Variants in ELMO3 observed in about 807,000 individuals in gnomAD.
ELMO3 encodes the protein engulfment and cell motility protein 3.
In ELMO3, 81 loss-of-function variants were observed where a neutral mutation model predicts 89.0. The observed-to-expected ratio is 0.91, with a 90% CI of 0.76 to 1.09. ELMO3 has a LOEUF of 1.09. Ranked by LOEUF, ELMO3 falls within the 50% of genes least tolerant of loss-of-function variation. ELMO3 has a pLI of 0.00. For synonymous variants in ELMO3, 406 were observed against 400.6 expected, an observed-to-expected ratio of 1.01 and a Z score of -0.16; for missense variants, 959 against 972.8, an observed-to-expected ratio of 0.99 and a Z score of 0.19.
At chr16:67,199,489 C>CCCCCCCCCCCCCCCCCCCCCCA in intron 1 of ELMO3, 64 bp from the exon 2 acceptor site, 1 of 1,554,410 alleles carries the variant, frequency 6.4e-7, no homozygotes, top group Non-Finnish European at 8.7e-7. Context: ...CGCCCCACCC[C>CCCCCCCCCCCCCCCCCCCCCCA]TCCCCCCAGG....
rs764643634 is a variant in ELMO3, at chr16:67,202,087, C to T, written c.1152+9C>T. 2.5e-6 allele frequency: 4 copies of T among 1,605,968 alleles called. No homozygotes were observed. In the Admixed American group the frequency reaches 6.7e-5, roughly 27 times the overall value. On this transcript the variant is annotated intron_variant, in intron 12 of 19. Coordinates refer to ENST00000393997, the MANE Select transcript of ELMO3 (RefSeq NM_024712.5). Reference sequence around the variant, plus strand: ...CCAGCGCGTACAGCCGGGTCGGTGACAGGGTAGGGTGGGGGGGTGGCAGCA... The same window carrying T: ...CCAGCGCGTACAGCCGGGTCGGTGATAGGGTAGGGTGGGGGGGTGGCAGCA...
chr16:67,202,247 G>A lies in ELMO3; in HGVS notation c.1224G>A (p.Thr408=), dbSNP rs750693515. The part of the protein sequence containing the change: ...CPFARGSIQL[T]VLLCELLRVG... ...TTGCCCGGGGCAGCATCCAGCTGAC[G>A]GTGCTGCTGTGTGAGCTGCTCCGTG... Residue 408 remains threonine (T), a synonymous_variant, in exon 13 of 20, where the codon ACG becomes ACA. Transcript: ENST00000393997. 19 of 1,605,144 alleles carry A rather than the reference G, an allele frequency of 1.2e-5. No homozygotes were observed. Among genetic ancestry groups the A allele is most frequent in the Non-Finnish European group, 1.4e-5 (16 of 1,173,790 alleles).
At chr16:67,200,157 C>T in intron 4 of ELMO3, 35 bp from the exon 5 acceptor site, 2 of 1,599,246 alleles carry the variant, frequency 1.3e-6, no homozygotes, top group South Asian at 1.1e-5. Flanking sequence ...CCATGCCCAG[C>T]CTCTTCACCT....
At chr16:67,199,496 C>CCG in intron 1 of ELMO3, 57 bp from the exon 2 acceptor site, 1 of 1,535,992 alleles carries the variant, frequency 6.5e-7, no homozygotes, top group Non-Finnish European at 8.8e-7. Flanking sequence ...CCCCTCCCCC[C>CCG]AGGCTCCTCC....
chr16:67,203,061 G>A lies in ELMO3; in HGVS notation c.1675+57G>A, dbSNP rs1026900349. On this transcript the variant is annotated intron_variant, in intron 16 of 19. Coordinates refer to ENST00000393997, the MANE Select transcript of ELMO3 (RefSeq NM_024712.5). The surrounding 1 kb of genome is among the most constrained non-coding windows in gnomAD (Gnocchi z 4.6). ...GGCAGGCAGAGGGCAGGCAGAGGGCGGCTGGCTTGGTGTCAGGACCTCTCA... is the reference window on the plus strand; with the variant it reads ...GGCAGGCAGAGGGCAGGCAGAGGGCAGCTGGCTTGGTGTCAGGACCTCTCA... The A allele has an allele frequency of 2.8e-5, 44 of 1,595,908 alleles. No individual in the cohort carries two copies. The highest frequency in any genetic ancestry group is 4.0e-5 in the African/African-American group (3 of 74,676).
Position 67,203,550 on chromosome 16 carries a change from G to A in ELMO3, c.1917G>A (p.Ala639=), listed in dbSNP as rs201039738. The change falls in exon 19 of 20, where the codon GCG becomes GCA. Residue 639 remains alanine (A), a synonymous_variant. Transcript: ENST00000393997. This position sits in a 1 kb window ranked among gnomAD's most constrained non-coding sequence, Gnocchi z 4.6. The part of the protein sequence containing the change: ...SISYDRGEEE[A]YLNFIAPSKR... ...GCTATGACCGTGGGGAGGAGGAAGC[G>A]TACCTCAACTTCATTGCCCCCTCCA... 56 of 1,614,040 alleles carry A rather than the reference G, an allele frequency of 3.5e-5. No homozygotes were observed. The highest frequency in any genetic ancestry group is 1.6e-4 in the Middle Eastern group (1 of 6,062).
intron 3 of ELMO3, 68 bp downstream of exon 3, chr16:67,199,824 T>G: frequency 6.2e-7 from 1 of 1,602,454 alleles, no homozygotes; most frequent in Non-Finnish European, 8.5e-7. Context: ...CCCCGATAAC[T>G]CTGGCTCTTC....
In ELMO3 at chr16:67,201,590, T is replaced by C. The variant is rs140352129; in HGVS notation, c.866T>C (p.Met289Thr). The change falls in exon 10 of 20, where the codon ATG (methionine) becomes ACG (threonine). Residue 289 changes from methionine (M) to threonine (T), a missense_variant. Met to Thr is a moderately conservative substitution (Grantham distance 81, BLOSUM62 -1). Transcript: ENST00000393997. Reference sequence around the variant, plus strand: ...CACCTGTACGTACTGCAGGCTCTCATGCTGGGGCTGCTGGAGCCGCGCATG... The same window carrying C: ...CACCTGTACGTACTGCAGGCTCTCACGCTGGGGCTGCTGGAGCCGCGCATG... ...AHHLYVLQAL[M>T]LGLLEPRMRT... The C allele has an allele frequency of 2.5e-6, 4 of 1,613,856 alleles. No individual in the cohort carries two copies. The highest frequency in any genetic ancestry group is 3.3e-5 in the Admixed American group (2 of 60,026).
rs746677359 is a variant in ELMO3, at chr16:67,202,534, G to A, written c.1398+1G>A. ...GGCTACACAGGAGGACTTCGACAAG[G>A]TGGGTGGGGTGGGAGCTGGGAGGCC... is the stretch of plus-strand genomic sequence containing the variant. On this transcript the variant is annotated splice_donor_variant, in intron 14 of 19. Coordinates refer to ENST00000393997, the MANE Select transcript of ELMO3 (RefSeq NM_024712.5). LOFTEE classifies it high-confidence loss of function. The A allele has an allele frequency of 1.7e-5, 28 of 1,612,400 alleles. No homozygotes were observed. The highest frequency in any genetic ancestry group is 2.4e-5 in the Non-Finnish European group (28 of 1,179,948).
chr16:67,201,742 G>C lies in ELMO3; in HGVS notation c.919G>C (p.Glu307Gln), dbSNP rs1305192050. ...MRTPLDPYSQ[E>Q]QREQLQVLRQ... is the part of the protein sequence containing the mutation. ...CCCCGCCACCCAACACTGACCCCAGGAGCAGCGGGAGCAGCTGCAGGTCCT... is the reference window on the plus strand; with the variant it reads ...CCCCGCCACCCAACACTGACCCCAGCAGCAGCGGGAGCAGCTGCAGGTCCT... The change falls in exon 11 of 20, where the codon GAG (glutamate) becomes CAG (glutamine). Residue 307 changes from glutamate (E) to glutamine (Q), a missense_variant and splice_region_variant. Physicochemically the swap from Glu to Gln is conservative, Grantham distance 29. Coordinates refer to ENST00000393997, the MANE Select transcript of ELMO3 (RefSeq NM_024712.5). The C allele has an allele frequency of 2.5e-6, 4 of 1,609,576 alleles. No individual in the cohort carries two copies. The highest frequency in any genetic ancestry group is 3.4e-6 in the Non-Finnish European group (4 of 1,179,994).
Position 67,200,447 on chromosome 16 carries a change from C to T in ELMO3, c.414-4C>T, listed in dbSNP as rs1405477087. ...CTGCTCAGCCCCAGATGTCCCCCCT[C>T]CAGCCTAGGAGAGGTGCTGGCCCTC... On this transcript the variant is annotated splice_polypyrimidine_tract_variant and splice_region_variant and intron_variant, in intron 5 of 19. Coordinates refer to ENST00000393997, the MANE Select transcript of ELMO3 (RefSeq NM_024712.5). The T allele has an allele frequency of 6.2e-6, 10 of 1,612,184 alleles. No individual in the cohort carries two copies. Among genetic ancestry groups the T allele is most frequent in the South Asian group, 1.1e-5 (1 of 91,056 alleles).
At chr16:67,201,247 C>T (rs1322590170) in intron 8 of ELMO3, 138 bp from the exon 9 acceptor site, 12 of 676,314 alleles carry the variant, frequency 1.8e-5, no homozygotes, top group African/African-American at 6.9e-5. Flanking sequence ...TAAGTAGAGA[C>T]GGGGTTTCAC....
rs1031839367 is a variant in ELMO3, at chr16:67,200,074, G to A, written c.243+73G>A. The A allele has an allele frequency of 7.6e-6, 12 of 1,569,150 alleles. No homozygotes were observed. The Admixed American group carries it at 2.0e-4, about 26-fold the overall frequency. On this transcript the variant is annotated intron_variant, in intron 4 of 19. Transcript: ENST00000393997. ...AGGTCCAGAGGCCCCCCGCCCCGGA[G>A]GCCCCCGCCCCAGCCCTGCCTTGCG... is the stretch of plus-strand genomic sequence containing the variant.
In ELMO3 at chr16:67,203,327, T is replaced by A; in HGVS notation, c.1781T>A (p.Leu594His). The change falls in exon 18 of 20, where the codon CTC becomes CAC. Residue 594 changes from leucine to histidine, a missense_variant and splice_region_variant. Transcript: ENST00000393997. The surrounding 1 kb of genome is among the most constrained non-coding windows in gnomAD (Gnocchi z 4.6). The stretch of plus-strand genomic sequence containing the variant: ...GCTCAGCCCAGCCTTCTTCCTGCAG[T>A]CCCTGTGGCCGACATGAGGGCACTC... ...PPTLESLPEQ[L>H]PVADMRALLT... 6.3e-7 allele frequency: 1 copy of A among 1,597,730 alleles called. No homozygotes were observed. Among genetic ancestry groups the A allele is most frequent in the Non-Finnish European group, 8.5e-7 (1 of 1,174,626 alleles).
At position 67,200,470 on chromosome 16, in the gene ELMO3, C is replaced by G. The variant is rs771217814; in HGVS notation, c.433C>G (p.Leu145Val). Residue 145 changes from leucine to valine, a missense_variant, in exon 6 of 20, where the codon CTC (leucine) becomes GTC (valine). Leu to Val is a conservative substitution (Grantham distance 32). Coordinates refer to ENST00000393997, the MANE Select transcript of ELMO3 (RefSeq NM_024712.5). The part of the protein sequence containing the change: ...DGDDLGEVLA[L>V]SLRAFSELME... The stretch of plus-strand genomic sequence containing the variant: ...CTCCAGCCTAGGAGAGGTGCTGGCC[C>G]TCAGCCTGAGGGCCTTCTCAGAGCT... The G allele has an allele frequency of 6.2e-7, 1 of 1,613,208 alleles. No homozygotes were observed. The highest frequency in any genetic ancestry group is 1.3e-5 in the African/African-American group (1 of 74,866).
intron 13 of ELMO3, 22 bp from the exon 14 acceptor site, chr16:67,202,375 C>T: frequency 6.2e-7 from 1 of 1,613,718 alleles, no homozygotes; most frequent in South Asian, 1.1e-5. Context: ...CTCCCTGAGC[C>T]CCTCCTGCCC....
Position 67,199,567 on chromosome 16 carries a change from C to CGCTGT in ELMO3, c.98_102dup (p.Lys35CysfsTer2), listed in dbSNP as rs2033048701. The CGCTGT allele has an allele frequency of 6.2e-7, 1 of 1,608,740 alleles. No individual in the cohort carries two copies. On this transcript the variant is annotated frameshift_variant, in exon 2 of 20. Transcript: ENST00000393997. LOFTEE classifies it high-confidence loss of function. ...TCCACTTGCAGGCGAAGCCCCTGGC[C>CGCTGT]GCTGTGCTGAAGGAGGTGTGCGACG...
Position 67,199,711 on chromosome 16 carries a change from C to T in ELMO3, c.147C>T (p.Tyr49=), listed in dbSNP as rs769384439. The T allele has an allele frequency of 1.2e-6, 2 of 1,611,164 alleles. No homozygotes were observed. Among genetic ancestry groups the T allele is most frequent in the Admixed American group, 1.7e-5 (1 of 59,992 alleles). The stretch of plus-strand genomic sequence containing the variant: ...GGAGCCTGACGCACTCTGAGCGTTA[C>T]GCCCTGCAGTTTGCGGATGGGCACC... ...DAWSLTHSER[Y]ALQFADGHRR... The change falls in exon 3 of 20, where the codon TAC becomes TAT. Residue 49 remains tyrosine (Y), a synonymous_variant. Transcript: ENST00000393997.
chr16:67,202,093 A>G lies in ELMO3; in HGVS notation c.1152+15A>G. ...CGTACAGCCGGGTCGGTGACAGGGT[A>G]GGGTGGGGGGGTGGCAGCATCCCCC... On this transcript the variant is annotated intron_variant, in intron 12 of 19. Coordinates refer to ENST00000393997, the MANE Select transcript of ELMO3 (RefSeq NM_024712.5). The G allele has an allele frequency of 3.5e-6, 2 of 579,346 alleles. No homozygotes were observed. The highest frequency in any genetic ancestry group is 3.3e-6 in the Non-Finnish European group (1 of 304,390). 35.9% of individuals were successfully genotyped at this position (579,346 alleles called of 1,614,324 possible). A position where few individuals can be genotyped will look rare whatever the true frequency, so the allele number is the denominator to read the frequency against.
Sources: gnomAD v4.1 joint callset for allele counts on GRCh38, gnomAD v4.1.1 for gene constraint, Gnocchi (gnomAD v3.1) non-coding constraint, MANE v1.5 for transcripts, NCBI Gene and HGNC (gene_info 2026-07-23, HGNC 2026-07-21) for gene names.